KAZN: variants seen among roughly 807,000 people sequenced by gnomAD.
The protein encoded by KAZN is kazrin.
Under a neutral mutation model 87.4 loss-of-function variants are expected in KAZN, and 40 were observed. The ratio of observed to expected loss-of-function variants is 0.46; its 90% CI spans 0.36 to 0.60. KAZN has a LOEUF of 0.60. Among genes scored for constraint, KAZN ranks in the 20% least tolerant of loss-of-function variants. KAZN has a pLI of 0.00. For missense variants in KAZN, 898 were observed against 1,073.9 expected, an observed-to-expected ratio of 0.84 and a Z score of 2.29; for synonymous variants, 466 against 458.3, an observed-to-expected ratio of 1.02 and a Z score of -0.22.
chr1:15,046,099 A>G (rs950919128), intron 4 of KAZN, among the ~76,000 whole-genome samples: 10 of 152,172 alleles, frequency 6.6e-5, no homozygotes, highest in Non-Finnish European at 2.9e-5. Flanking sequence ...GGAGTTCGAG[A>G]CCAGCCTGGC....
intron 1 of KAZN, among the ~76,000 whole-genome samples, chr1:14,897,268 T>C (rs557986641): frequency 4.6e-5 from 7 of 152,262 alleles, no homozygotes; most frequent in African/African-American, 1.7e-4. Flanking sequence ...TTGGTGCAAA[T>C]TGGGTCACAT....
At chr1:14,825,983 G>A (rs957432963) in intron 1 of KAZN, among the ~76,000 whole-genome samples, 5 of 152,218 alleles carry the variant, frequency 3.3e-5, no homozygotes, top group African/African-American at 1.2e-4. Flanking sequence ...TTGGTGGACA[G>A]CTGGCTGAAT....
At chr1:14,010,829 G>A (rs1640262524) in intron 1 of KAZN, among the ~76,000 whole-genome samples, 1 of 152,328 alleles carries the variant, frequency 6.6e-6, no homozygotes, top group Admixed American at 6.5e-5. Context: ...CCTCAGGTTG[G>A]GTTAAGTGTC....
chr1:14,415,961 A>G (rs571657074), intron 2 of KAZN, among the ~76,000 whole-genome samples: 1 of 152,274 alleles, frequency 6.6e-6, no homozygotes, highest in South Asian at 2.1e-4. Context: ...GACAAACTCC[A>G]GGGGCTGTAG....
In KAZN at chr1:14,387,397, T is replaced by TA. The variant is rs549653850; in HGVS notation, c.249+206806dup. Among the ~76,000 whole-genome samples, 267 of 152,364 alleles carry TA rather than the reference T, an allele frequency of 1.8e-3. No homozygotes were observed. In the South Asian group the frequency reaches 0.019, roughly 11 times the overall value. ...GGAGGAGGAGAGGTGCTCTGCCTTT[T>TA]AGAGTTTCCAGTTTTTCTGCTCTGT... On this transcript the variant is annotated intron_variant, in intron 2 of 16. Coordinates refer to the KAZN transcript ENST00000636203.
chr1:14,011,972 A>T (rs1640335908), intron 1 of KAZN, among the ~76,000 whole-genome samples: 1 of 152,130 alleles, frequency 6.6e-6, no homozygotes, highest in Non-Finnish European at 1.5e-5. Flanking sequence ...GATTGGGGAT[A>T]TGCTTGCTTC....
intron 1 of KAZN, among the ~76,000 whole-genome samples, chr1:14,895,841 C>G (rs1655206841): frequency 6.6e-6 from 1 of 152,158 alleles, no homozygotes; most frequent in African/African-American, 2.4e-5. Context: ...TAGGTCAGTT[C>G]AGGGTACCCG....
In KAZN at chr1:15,066,266, GT is replaced by G; in HGVS notation, c.1222+514del. On this transcript the variant is annotated intron_variant, in intron 8 of 14. Transcript: ENST00000376030. This position sits in a 1 kb window ranked among gnomAD's most constrained non-coding sequence, Gnocchi z 4.3. Reference sequence around the variant, plus strand: ...TATTGTGCACTCTGTGCTTGTAAATGTCCCTCGTCCAAACCGCTACTCCTGG... The same window carrying G: ...TATTGTGCACTCTGTGCTTGTAAATGCCCTCGTCCAAACCGCTACTCCTGG... The G allele has an allele frequency of 1.0e-6, 1 of 985,650 alleles. No homozygotes were observed. The highest frequency in any genetic ancestry group is 4.7e-5 in the South Asian group (1 of 21,302). 61.1% of individuals were successfully genotyped at this position (985,650 alleles called of 1,614,324 possible).
intron 1 of KAZN, among the ~76,000 whole-genome samples, chr1:14,142,919 G>A (rs1036855200): frequency 4.6e-5 from 7 of 152,336 alleles, no homozygotes; most frequent in Admixed American, 1.3e-4. Context: ...GTCTTCCCAA[G>A]TGTTTACTGG....
intron 2 of KAZN, among the ~76,000 whole-genome samples, chr1:14,197,387 TAAAAA>T (rs35290614): frequency 4.9e-5 from 5 of 102,278 alleles, no homozygotes; most frequent in Admixed American, 1.0e-4. Context: ...AAGTAAATGT[TAAAAA>T]AAAAAAAAAA....
At chr1:14,776,353 G>T (rs1419469951) in intron 1 of KAZN, among the ~76,000 whole-genome samples, 1 of 152,142 alleles carries the variant, frequency 6.6e-6, no homozygotes, top group African/African-American at 2.4e-5. Context: ...ACGCAGGTGG[G>T]CATACCTCAT....
intron 2 of KAZN, among the ~76,000 whole-genome samples, chr1:15,018,850 G>A (rs1025695361): frequency 4.6e-5 from 7 of 152,144 alleles, no homozygotes; most frequent in Admixed American, 2.6e-4. Flanking sequence ...ATTAACAGCT[G>A]TCTTCACACC....
chr1:14,436,840 G>A (rs1666427389), intron 2 of KAZN, among the ~76,000 whole-genome samples: 2 of 152,212 alleles, frequency 1.3e-5, no homozygotes, highest in South Asian at 4.1e-4. Flanking sequence ...AGGTCCGACA[G>A]CTGGTCAGTG....
At chr1:14,723,496 G>A (rs1207861118) in intron 1 of KAZN, among the ~76,000 whole-genome samples, 3 of 152,240 alleles carry the variant, frequency 2.0e-5, no homozygotes, top group Non-Finnish European at 4.4e-5. Context: ...TTTAACACGA[G>A]GGAGCAGTAC....
At chr1:14,161,104 T>A (rs1645700164) in intron 1 of KAZN, among the ~76,000 whole-genome samples, 1 of 152,230 alleles carries the variant, frequency 6.6e-6, no homozygotes, top group South Asian at 2.1e-4. Flanking sequence ...TTTTTAAGAA[T>A]AGAGTTGCAT....
chr1:14,113,908 G>A (rs1006799569), intron 1 of KAZN, among the ~76,000 whole-genome samples: 1 of 152,232 alleles, frequency 6.6e-6, no homozygotes, highest in African/African-American at 2.4e-5. Flanking sequence ...TGACCTGTGT[G>A]TGGCCGTCTG....
intron 1 of KAZN, among the ~76,000 whole-genome samples, chr1:14,069,056 C>T (rs1643134609): frequency 6.6e-6 from 1 of 152,160 alleles, no homozygotes; most frequent in Non-Finnish European, 1.5e-5. Context: ...CTGGGCCTCG[C>T]AAAGTGTTGG....
In KAZN at chr1:14,009,396, T is replaced by C. The variant is rs184504901; in HGVS notation, c.91+115640T>C. On this transcript the variant is annotated intron_variant, in intron 1 of 16. Transcript: ENST00000636203. ...TGAAAGACCACCATCCAGTTTTCCA[T>C]AGTGGCCGTACCATTTCATATTCCT... 3.9e-5 allele frequency among the ~76,000 whole-genome samples: 6 copies of C among 152,336 alleles called. No individual in the cohort carries two copies. In the East Asian group the frequency reaches 7.7e-4, roughly 20 times the overall value.
At chr1:14,886,083 T>C (rs1329720143) in intron 1 of KAZN, among the ~76,000 whole-genome samples, 2 of 151,920 alleles carry the variant, frequency 1.3e-5, no homozygotes, top group Non-Finnish European at 1.5e-5. Flanking sequence ...CCCAAATGCC[T>C]TATGGGGTAC....
Sources: allele counts gnomAD v4.1 joint callset (sites outside exome capture counted in the v4.1 genomes callset), GRCh38; gene constraint gnomAD v4.1.1; non-coding constraint Gnocchi (gnomAD v3.1); transcripts MANE v1.5; gene names NCBI Gene and HGNC (gene_info 2026-07-23, HGNC 2026-07-21).